The following TRPC3 variants were observed in gnomAD, a reference collection of about 807,000 sequenced individuals.
TRPC3 encodes transient receptor potential cation channel subfamily C member 3, also known as short transient receptor potential channel 3.
In TRPC3, 54 loss-of-function variants were observed where a neutral mutation model predicts 90.9. The observed-to-expected ratio is 0.59, with a 90% CI of 0.48 to 0.75. The LOEUF (loss-of-function observed/expected upper bound fraction) is 0.75. TRPC3 is among the 30% of genes least tolerant of loss of function. The probability of loss-of-function intolerance (pLI) is 0.00; values close to 1 mark genes in which losing one functional copy is unlikely to be tolerated. For missense variants in TRPC3, 918 were observed against 1,194.5 expected, an observed-to-expected ratio of 0.77 and a Z score of 3.41; for synonymous variants, 424 against 450.9, an observed-to-expected ratio of 0.94 and a Z score of 0.75.
rs200940137 is a variant in TRPC3 at position 121,932,249 on chromosome 4, C to T, written c.987+22G>A. 2.3e-5 allele frequency: 37 copies of T among 1,606,680 alleles called. No homozygotes were observed. In the Admixed American group the frequency reaches 3.8e-4, roughly 17 times the overall value. ...AAGTTGGGTGAGCACACAGAGCAGC[C>T]GGGGTAGAGCGCAAAGCTTACCTTG... On this transcript the variant is annotated intron_variant, in intron 2 of 11. Transcript: ENST00000379645. The surrounding 1 kb of genome is among the most constrained non-coding windows in gnomAD (Gnocchi z 7.7).
intron 10 of TRPC3, 45 bp downstream of exon 10, chr4:121,899,567 A>G: frequency 6.7e-7 from 1 of 1,502,814 alleles, no homozygotes; most frequent in East Asian, 2.3e-5. Context: ...GCAGACATAT[A>G]TGGAATCACA....
In TRPC3 at chr4:121,932,997, C is replaced by G. The variant is rs756525955; in HGVS notation, c.261G>C (p.Arg87=). Reference sequence around the variant, plus strand: ...TGACAGCCTGGCGCCGGCCCTTCTCCCGCATCACTGTCATGCGTCTCAGGG... The same window carrying G: ...TGACAGCCTGGCGCCGGCCCTTCTCGCGCATCACTGTCATGCGTCTCAGGG... ...SPSLRRMTVM[R]EKGRRQAVRG... The change falls in exon 2 of 12, where the codon CGG becomes CGC. Residue 87 remains arginine (R), a synonymous_variant. Coordinates refer to ENST00000379645, the MANE Select transcript of TRPC3 (RefSeq NM_001130698.2). This position sits in a 1 kb window ranked among gnomAD's most constrained non-coding sequence, Gnocchi z 7.7. The G allele has an allele frequency of 6.2e-7, 1 of 1,607,204 alleles. No individual in the cohort carries two copies. Among genetic ancestry groups the G allele is most frequent in the South Asian group, 1.1e-5 (1 of 90,106 alleles).
chr4:121,931,225 A>G (rs1030133365), intron 2 of TRPC3, among the ~76,000 whole-genome samples: 1 of 152,236 alleles, frequency 6.6e-6, no homozygotes, highest in Non-Finnish European at 1.5e-5. Context: ...AACCATATTC[A>G]GATGTGAAAG....
At chr4:121,909,206 G>T (rs1335578778) in intron 6 of TRPC3, among the ~76,000 whole-genome samples, 3 of 152,058 alleles carry the variant, frequency 2.0e-5, no homozygotes, top group African/African-American at 7.2e-5. Flanking sequence ...GTCTTTGCTT[G>T]CTGAGAATAA....
chr4:121,893,173 T>C (rs1271103286), intron 10 of TRPC3, among the ~76,000 whole-genome samples: 1 of 143,716 alleles, frequency 7.0e-6, no homozygotes, highest in Non-Finnish European at 1.5e-5. Flanking sequence ...TTCTGTAAAA[T>C]AAAAACCCTG....
At chr4:121,890,917 G>C (rs896240840) in intron 10 of TRPC3, among the ~76,000 whole-genome samples, 2 of 152,052 alleles carry the variant, frequency 1.3e-5, no homozygotes, top group African/African-American at 4.8e-5. Context: ...CTTGAACCTG[G>C]GAGGTGGAGA....
chr4:121,915,471 G>GCCTGAAAAAT (rs1364020102), intron 3 of TRPC3, among the ~76,000 whole-genome samples: 3 of 152,148 alleles, frequency 2.0e-5, no homozygotes, highest in South Asian at 4.1e-4. Flanking sequence ...TCTGTAAAAG[G>GCCTGAAAAAT]CCTGAAAAAT....
chr4:121,891,116 A>G (rs187630096), intron 10 of TRPC3, among the ~76,000 whole-genome samples: 3 of 152,174 alleles, frequency 2.0e-5, no homozygotes, highest in Non-Finnish European at 2.9e-5. Flanking sequence ...TTCAAACTAA[A>G]ACCTCCGGTC....
intron 10 of TRPC3, among the ~76,000 whole-genome samples, chr4:121,888,762 C>T (rs1324481566): frequency 1.3e-5 from 2 of 152,142 alleles, no homozygotes; most frequent in Non-Finnish European, 2.9e-5. Flanking sequence ...GAAAAAAAAT[C>T]TCTAACAACT....
In TRPC3 at chr4:121,933,038, T is replaced by C. The variant is rs202247535; in HGVS notation, c.220A>G (p.Met74Val). 3 of 1,579,320 alleles carry C rather than the reference T, an allele frequency of 1.9e-6. No individual in the cohort carries two copies. The highest frequency in any genetic ancestry group is 2.6e-6 in the Non-Finnish European group (3 of 1,161,510). The change falls in exon 2 of 12, where the codon ATG (methionine) becomes GTG (valine). Residue 74 changes from methionine to valine, a missense_variant. Coordinates refer to ENST00000379645, the MANE Select transcript of TRPC3 (RefSeq NM_001130698.2). ...PPFSHGPDLS[M>V]EGSPSLRRMT... ...CGTCTCAGGGATGGGCTTCCCTCCA[T>C]GGACCTAATCAGTAGCAACGATAAA...
chr4:121,926,163 T>C (rs1560709861), intron 2 of TRPC3, among the ~76,000 whole-genome samples: 1 of 152,144 alleles, frequency 6.6e-6, no homozygotes, highest in Non-Finnish European at 1.5e-5. Context: ...ACCATAACCT[T>C]GCATAAAGGC....
At position 121,911,979 on chromosome 4, in the gene TRPC3, T is replaced by A. The variant is rs1305226802; in HGVS notation, c.1456A>T (p.Thr486Ser). 1 of 1,613,930 alleles carries A rather than the reference T, an allele frequency of 6.2e-7. No homozygotes were observed. Among genetic ancestry groups the A allele is most frequent in the Admixed American group, 1.7e-5 (1 of 59,976 alleles). The change falls in exon 5 of 12, where the codon ACG (threonine) becomes TCG (serine). Residue 486 changes from threonine to serine, a missense_variant. Around this residue, in one of 4 missense-constraint regions of TRPC3, gnomAD observed 609 missense variants for 725.9 expected, o/e 0.84. Transcript: ENST00000379645. The part of the protein sequence containing the change: ...NASDRFEGIT[T>S]LPNITVTDYP... ...TCAGTAACTGTGATATTGGGCAGCG[T>A]GGTGATGCCTTCGAACCTGTCTGAG...
At chr4:121,946,891 G>C (rs1444653438) in intron 1 of TRPC3, among the ~76,000 whole-genome samples, 1 of 152,050 alleles carries the variant, frequency 6.6e-6, no homozygotes, top group Non-Finnish European at 1.5e-5. Context: ...AGTATTAAAG[G>C]CCTCAAGGCT....
At chr4:121,933,169 T>G (rs1730014492) in intron 1 of TRPC3, 127 bp from the exon 2 acceptor site, 1 of 1,385,180 alleles carries the variant, frequency 7.2e-7, no homozygotes, top group African/African-American at 1.5e-5. Flanking sequence ...TCGGCTCAGT[T>G]GCTAGCGATA....
intron 9 of TRPC3, among the ~76,000 whole-genome samples, chr4:121,901,622 C>A (rs1376008932): frequency 6.6e-6 from 1 of 152,192 alleles, no homozygotes; most frequent in Non-Finnish European, 1.5e-5. Context: ...AGGAAGGGCA[C>A]TGATATTTGT....
chr4:121,951,148 T>C lies in TRPC3; in HGVS notation c.215+318A>G, dbSNP rs934959600. 2.0e-5 allele frequency among the ~76,000 whole-genome samples: 3 copies of C among 152,182 alleles called. No individual in the cohort carries two copies. Among genetic ancestry groups the C allele is most frequent in the Admixed American group, 1.3e-4 (2 of 15,292 alleles). The stretch of plus-strand genomic sequence containing the variant: ...AGTCGTGCGAGCTCCTCGGCTCTAA[T>C]ACAGGGAGTGGCTGCTCGCCAGGAT... On this transcript the variant is annotated intron_variant, in intron 1 of 11. Coordinates refer to ENST00000379645, the MANE Select transcript of TRPC3 (RefSeq NM_001130698.2). This position sits in a 1 kb window ranked among gnomAD's most constrained non-coding sequence, Gnocchi z 4.4.
At chr4:121,901,181 G>C (rs1728687052) in intron 9 of TRPC3, among the ~76,000 whole-genome samples, 1 of 152,140 alleles carries the variant, frequency 6.6e-6, no homozygotes, top group Non-Finnish European at 1.5e-5. Flanking sequence ...CCACACTTGA[G>C]AGACTTTCTT....
At chr4:121,923,720 C>T (rs1257152243) in intron 3 of TRPC3, among the ~76,000 whole-genome samples, 1 of 152,184 alleles carries the variant, frequency 6.6e-6, no homozygotes, top group African/African-American at 2.4e-5. Context: ...CTCATGGTCA[C>T]ACAGGAGCAC....
intron 1 of TRPC3, among the ~76,000 whole-genome samples, chr4:121,943,606 T>C (rs1730394382): frequency 6.6e-6 from 1 of 152,146 alleles, no homozygotes; most frequent in South Asian, 2.1e-4. Context: ...AAAAGTTATA[T>C]AAATTCAGTC....
Sources: gnomAD v4.1 joint callset for allele counts (sites outside exome capture counted in the v4.1 genomes callset) on GRCh38, gnomAD v4.1.1 for gene constraint, gnomAD v4.1.1 regional missense constraint, Gnocchi (gnomAD v3.1) non-coding constraint, MANE v1.5 for transcripts, NCBI Gene and HGNC (gene_info 2026-07-23, HGNC 2026-07-21) for gene names.